The following SLC15A5 variants were observed in gnomAD, a reference collection of about 807,000 sequenced individuals.
The protein encoded by SLC15A5 is solute carrier family 15 member 5.
A neutral mutation model predicts 56.1 loss-of-function variants in SLC15A5; 58 were observed. The observed-to-expected ratio is 1.03, with a 90% CI of 0.84 to 1.29. SLC15A5 has a LOEUF of 1.29. Ranked by LOEUF, SLC15A5 falls within the 50% of genes most tolerant of loss-of-function variation. The pLI is 0.00. For missense variants in SLC15A5, 681 were observed against 672.1 expected (o/e 1.01, Z -0.15); for synonymous variants, 264 against 250.5 (o/e 1.05, Z -0.51).
chr12:16,198,316 G>A (rs1194784568), intron 7 of SLC15A5, among the ~76,000 whole-genome samples: 2 of 152,076 alleles, frequency 1.3e-5, no homozygotes, highest in Non-Finnish European at 1.5e-5. Flanking sequence ...AAATTAGTAG[G>A]GGACAGGCAA....
Sources: gnomAD v4.1 joint callset for allele counts (sites outside exome capture counted in the v4.1 genomes callset) on GRCh38, gnomAD v4.1.1 for gene constraint, MANE v1.5 for transcripts, NCBI Gene and HGNC (gene_info 2026-07-23, HGNC 2026-07-21) for gene names.